The following HS6ST3 variants were observed in gnomAD, a reference collection of about 807,000 sequenced individuals.
HS6ST3 encodes heparan sulfate 6-O-sulfotransferase 3, also known as heparan-sulfate 6-O-sulfotransferase 3.
HS6ST3 carries 12 observed loss-of-function variants against 36.7 expected under a neutral mutation model. The ratio of observed to expected loss-of-function variants is 0.33; its 90% CI spans 0.21 to 0.53. The LOEUF (loss-of-function observed/expected upper bound fraction) is 0.53. HS6ST3 is among the 20% of genes least tolerant of loss of function. HS6ST3 has a pLI of 0.95. For synonymous variants in HS6ST3, 240 were observed against 257.5 expected (o/e 0.93, Z 0.65); for missense variants, 584 against 640.9 (o/e 0.91, Z 0.96).
chr13:96,153,308 C>T (rs1166447038), intron 1 of HS6ST3, among the ~76,000 whole-genome samples: 1 of 152,122 alleles, frequency 6.6e-6, no homozygotes, highest in Non-Finnish European at 1.5e-5. Flanking sequence ...TTCAGAAGCA[C>T]GAGCTCAATC....
intron 1 of HS6ST3, among the ~76,000 whole-genome samples, chr13:96,199,522 A>T (rs2054330989): frequency 6.6e-6 from 1 of 152,218 alleles, no homozygotes; most frequent in African/African-American, 2.4e-5. Context: ...GTGCCTACTC[A>T]GCATTAAATT....
intron 1 of HS6ST3, among the ~76,000 whole-genome samples, chr13:96,634,524 T>G (rs1177025212): frequency 6.6e-6 from 1 of 152,192 alleles, no homozygotes; most frequent in African/African-American, 2.4e-5. Flanking sequence ...CATTTATATA[T>G]TTAGCAAACA....
chr13:96,647,628 CATA>C (rs1392356062), intron 1 of HS6ST3, among the ~76,000 whole-genome samples: 2 of 151,980 alleles, frequency 1.3e-5, no homozygotes, highest in Non-Finnish European at 2.9e-5. Context: ...ATACAGATGT[CATA>C]ATAACTTTTT....
intron 1 of HS6ST3, among the ~76,000 whole-genome samples, chr13:96,255,003 C>T (rs1031953945): frequency 2.6e-5 from 4 of 152,118 alleles, no homozygotes; most frequent in African/African-American, 9.7e-5. Flanking sequence ...AAAATGAACG[C>T]GTCAGAGTAA....
chr13:96,541,967 A>G (rs917592287), intron 1 of HS6ST3, among the ~76,000 whole-genome samples: 2 of 152,096 alleles, frequency 1.3e-5, no homozygotes, highest in African/African-American at 2.4e-5. Context: ...CATAGTGTAC[A>G]TTTTCTGGGA....
intron 1 of HS6ST3, among the ~76,000 whole-genome samples, chr13:96,793,820 A>C (rs1175366745): frequency 1.3e-5 from 2 of 152,002 alleles, no homozygotes; most frequent in African/African-American, 4.8e-5. Context: ...GAAAACAAAA[A>C]TGTATACAAT....
intron 1 of HS6ST3, among the ~76,000 whole-genome samples, chr13:96,208,738 CTCT>C (rs2054384294): frequency 6.6e-6 from 1 of 152,058 alleles, no homozygotes; most frequent in Non-Finnish European, 1.5e-5. Context: ...AGTAGCAGTC[CTCT>C]TCTTTGATAT....
chr13:96,444,571 T>A (rs975907139), intron 1 of HS6ST3, among the ~76,000 whole-genome samples: 2 of 152,226 alleles, frequency 1.3e-5, no homozygotes, highest in African/African-American at 2.4e-5. Context: ...AAAATTTTTA[T>A]TTTTGTATTG....
chr13:96,781,033 A>G (rs1044565412), intron 1 of HS6ST3, among the ~76,000 whole-genome samples: 1 of 151,984 alleles, frequency 6.6e-6, no homozygotes, highest in Non-Finnish European at 1.5e-5. Flanking sequence ...AACTGAGCCT[A>G]GAACAGTCCA....
intron 1 of HS6ST3, among the ~76,000 whole-genome samples, chr13:96,501,321 G>T (rs534298942): frequency 6.6e-6 from 1 of 152,320 alleles, no homozygotes; most frequent in South Asian, 2.1e-4. Context: ...AAAATGTACT[G>T]AGTGCCCACT....
In HS6ST3 at chr13:96,363,965, A is replaced by G. The variant is rs866693626; in HGVS notation, c.707+272396A>G. On this transcript the variant is annotated intron_variant, in intron 1 of 1. Coordinates refer to ENST00000376705, the MANE Select transcript of HS6ST3 (RefSeq NM_153456.4). The stretch of plus-strand genomic sequence containing the variant: ...AATGAAAATATAAGAAAAGAAAAAT[A>G]CACCTTTACAAAATAATCTTTTTAA... Among the ~76,000 whole-genome samples, 4 of 152,330 alleles carry G rather than the reference A, an allele frequency of 2.6e-5. No individual in the cohort carries two copies. In the Middle Eastern group the frequency reaches 0.014, roughly 518 times the overall value.
At chr13:96,416,741 C>T (rs1403553408) in intron 1 of HS6ST3, among the ~76,000 whole-genome samples, 1 of 149,478 alleles carries the variant, frequency 6.7e-6, no homozygotes, top group East Asian at 2.0e-4. Context: ...TCAGCAGAGG[C>T]ATAGGGTAAC....
chr13:96,303,113 A>G (rs985837656), intron 1 of HS6ST3, among the ~76,000 whole-genome samples: 4 of 152,194 alleles, frequency 2.6e-5, no homozygotes, highest in Non-Finnish European at 5.9e-5. Context: ...ATTCTAGAGT[A>G]TTGAATTGGA....
intron 1 of HS6ST3, among the ~76,000 whole-genome samples, chr13:96,808,934 C>T (rs866259648): frequency 1.3e-5 from 2 of 152,126 alleles, no homozygotes; most frequent in East Asian, 1.9e-4. Flanking sequence ...GAAAAGAGCC[C>T]AGCCAGGCTA....
At chr13:96,145,635 T>A (rs1235700760) in intron 1 of HS6ST3, among the ~76,000 whole-genome samples, 2 of 152,166 alleles carry the variant, frequency 1.3e-5, no homozygotes, top group Non-Finnish European at 2.9e-5. Flanking sequence ...TTTCTTTTGC[T>A]GTGCAGAAGC....
In HS6ST3 at chr13:96,439,195, T is replaced by C. The variant is rs112477970; in HGVS notation, c.707+347626T>C. On this transcript the variant is annotated intron_variant, in intron 1 of 1. Transcript: ENST00000376705. ...CAGTGGAATAGGAAGCAGAACACTATGGTTCTAGTTCTAGCTCTATCATCA... is the reference window on the plus strand; with the variant it reads ...CAGTGGAATAGGAAGCAGAACACTACGGTTCTAGTTCTAGCTCTATCATCA... Among the ~76,000 whole-genome samples, 1,486 of 152,334 alleles carry C rather than the reference T, an allele frequency of 9.8e-3. 28 individuals are homozygous for C. The highest frequency in any genetic ancestry group is 0.033 in the African/African-American group (1,370 of 41,580).
chr13:96,438,729 A>G (rs1296999455), intron 1 of HS6ST3, among the ~76,000 whole-genome samples: 2 of 152,322 alleles, frequency 1.3e-5, no homozygotes, highest in Non-Finnish European at 2.9e-5. Flanking sequence ...ATTGTCTACA[A>G]GGCCAGGTAG....
chr13:96,359,150 G>A (rs1294473277), intron 1 of HS6ST3, among the ~76,000 whole-genome samples: 1 of 152,120 alleles, frequency 6.6e-6, no homozygotes, highest in Non-Finnish European at 1.5e-5. Context: ...AGGGGAGGGT[G>A]CTTGGGAAAG....
At chr13:96,641,852 T>C (rs2056571331) in intron 1 of HS6ST3, among the ~76,000 whole-genome samples, 1 of 151,896 alleles carries the variant, frequency 6.6e-6, no homozygotes. Context: ...CCATTTTGTG[T>C]CCATCAACAC....
Sources: gnomAD v4.1 joint callset for allele counts (sites outside exome capture counted in the v4.1 genomes callset) on GRCh38, gnomAD v4.1.1 for gene constraint, MANE v1.5 for transcripts, NCBI Gene and HGNC (gene_info 2026-07-23, HGNC 2026-07-21) for gene names.